FGGY: variants seen among roughly 807,000 people sequenced by gnomAD.
The protein encoded by FGGY is FGGY carbohydrate kinase domain containing.
FGGY carries 72 observed loss-of-function variants against 71.3 expected under a neutral mutation model. The observed-to-expected ratio is 1.01, with a 90% CI of 0.84 to 1.23. The LOEUF (loss-of-function observed/expected upper bound fraction) is 1.23. FGGY is among the 50% of genes most tolerant of loss of function. The pLI is 0.00. For synonymous variants in FGGY, 251 were observed against 250.3 expected, an observed-to-expected ratio of 1.00 and a Z score of -0.02; for missense variants, 668 against 682.3, an observed-to-expected ratio of 0.98 and a Z score of 0.23.
chr1:59,698,857 AAAT>A, intron 14 of FGGY: 1 of 985,448 alleles, frequency 1.0e-6, no homozygotes, highest in Non-Finnish European at 1.2e-6. Context: ...AGAGAACCTT[AAAT>A]AATAATGAAA....
At chr1:59,373,990 T>C (rs369125508) in intron 4 of FGGY, among the ~76,000 whole-genome samples, 1 of 152,178 alleles carries the variant, frequency 6.6e-6, no homozygotes, top group African/African-American at 2.4e-5. Flanking sequence ...GACATAGGCA[T>C]GGGCAAGGAC....
intron 11 of FGGY, among the ~76,000 whole-genome samples, chr1:59,644,600 A>T (rs1181508655): frequency 6.6e-6 from 1 of 152,186 alleles, no homozygotes; most frequent in East Asian, 1.9e-4. Context: ...TAGGTTCATT[A>T]AAAACAAGAC....
At chr1:59,534,676 T>G (rs996799814) in intron 7 of FGGY, among the ~76,000 whole-genome samples, 2 of 151,932 alleles carry the variant, frequency 1.3e-5, no homozygotes, top group Non-Finnish European at 2.9e-5. Context: ...GGGCCAATAT[T>G]CAACATTCTT....
At chr1:59,329,951 C>T (rs1021021615) in intron 2 of FGGY, among the ~76,000 whole-genome samples, 3 of 152,128 alleles carry the variant, frequency 2.0e-5, no homozygotes, top group Admixed American at 2.0e-4. Context: ...ATAGTGCTGC[C>T]CCAAACCTTA....
intron 6 of FGGY, among the ~76,000 whole-genome samples, chr1:59,473,063 C>T (rs1018594637): frequency 3.9e-5 from 6 of 152,254 alleles, no homozygotes; most frequent in Non-Finnish European, 7.4e-5. Context: ...AGTAGGCTGC[C>T]CGAGCCAGCA....
chr1:59,539,172 GTA>G (rs2095398898), intron 7 of FGGY, among the ~76,000 whole-genome samples: 1 of 152,132 alleles, frequency 6.6e-6, no homozygotes, highest in South Asian at 2.1e-4. Flanking sequence ...TTGGAAAACA[GTA>G]TTATAAATGT....
chr1:59,518,207 A>G (rs2153640977), intron 7 of FGGY, among the ~76,000 whole-genome samples: 1 of 152,316 alleles, frequency 6.6e-6, no homozygotes, highest in South Asian at 2.1e-4. Flanking sequence ...CAGTCTTGCA[A>G]AAAGGGCCTT....
Position 59,660,212 on chromosome 1 carries a change from C to G in FGGY, c.1222-7C>G. ...ATCTTCTTCTTTTCTTCCCTTCATGCCTGCAGGTCACCGGATTGAAACTGT... is the reference window on the plus strand; with the variant it reads ...ATCTTCTTCTTTTCTTCCCTTCATGGCTGCAGGTCACCGGATTGAAACTGT... On this transcript the variant is annotated splice_polypyrimidine_tract_variant and splice_region_variant and intron_variant, in intron 11 of 15. Coordinates refer to ENST00000303721, the MANE Select transcript of FGGY (RefSeq NM_018291.5). 4 of 1,612,952 alleles carry G rather than the reference C, an allele frequency of 2.5e-6. No homozygotes were observed. The highest frequency in any genetic ancestry group is 3.4e-6 in the Non-Finnish European group (4 of 1,179,486).
chr1:59,307,072 T>C (rs1386961943), intron 1 of FGGY, among the ~76,000 whole-genome samples: 1 of 152,144 alleles, frequency 6.6e-6, no homozygotes, highest in African/African-American at 2.4e-5. Context: ...CTCAGAACTT[T>C]GGGAGGCCGA....
At chr1:59,709,210 G>A (rs989149692) in intron 14 of FGGY, among the ~76,000 whole-genome samples, 3 of 152,168 alleles carry the variant, frequency 2.0e-5, no homozygotes, top group African/African-American at 4.8e-5. Context: ...TGGGGAGGCC[G>A]CAGGAAACTT....
chr1:59,596,221 T>G (rs4424537), intron 8 of FGGY, among the ~76,000 whole-genome samples: 26,173 of 151,964 alleles, frequency 0.17, 2,405 homozygotes, highest in Admixed American at 0.26. Context: ...TGAGGCTCAC[T>G]TAACATTTTT....
At chr1:59,464,638 A>C (rs2092490886) in intron 6 of FGGY, among the ~76,000 whole-genome samples, 1 of 152,196 alleles carries the variant, frequency 6.6e-6, no homozygotes, top group African/African-American at 2.4e-5. Flanking sequence ...ACTAATAAAG[A>C]AGAAGACAGA....
chr1:59,550,411 G>A (rs1448659324), intron 7 of FGGY, among the ~76,000 whole-genome samples: 1 of 150,066 alleles, frequency 6.7e-6, no homozygotes, highest in Non-Finnish European at 1.5e-5. Flanking sequence ...TCAGCTCTCC[G>A]ACTCATGTGG....
In FGGY at chr1:59,757,802, GAA is replaced by G. The variant is rs920896661; in HGVS notation, c.1513-122_1513-121del. 8.4e-6 allele frequency: 5 copies of G among 598,684 alleles called. No homozygotes were observed. The East Asian group carries it at 1.1e-4, about 14-fold the overall frequency. The allele number at this position is 598,684 out of a possible 1,614,324, so 37.1% of individuals were successfully genotyped here. The stretch of plus-strand genomic sequence containing the variant: ...TCTTATTACCAAAGAAAAGTAAGTT[GAA>G]AAAAAAGAGGACTAACCAAATATCT... On this transcript the variant is annotated intron_variant, in intron 14 of 15. Coordinates refer to ENST00000303721, the MANE Select transcript of FGGY (RefSeq NM_018291.5).
At chr1:59,445,006 A>T (rs2070890402) in intron 5 of FGGY, among the ~76,000 whole-genome samples, 1 of 151,954 alleles carries the variant, frequency 6.6e-6, no homozygotes, top group African/African-American at 2.4e-5. Context: ...CATTATACTT[A>T]CCCTTCATAG....
intron 8 of FGGY, 35 bp from the exon 9 acceptor site, chr1:59,607,768 C>T: frequency 6.5e-7 from 1 of 1,538,016 alleles, no homozygotes; most frequent in Non-Finnish European, 9.0e-7. Flanking sequence ...CCCTGAGAGT[C>T]AATGTTTTCA....
intron 4 of FGGY, among the ~76,000 whole-genome samples, chr1:59,347,091 T>C (rs2052150285): frequency 2.4e-5 from 1 of 41,418 alleles, no homozygotes; most frequent in African/African-American, 1.1e-4. Context: ...CCTCTTTTTT[T>C]TTCGGTTATT....
chr1:59,698,684 G>T (rs1382637621), intron 14 of FGGY: 5 of 898,402 alleles, frequency 5.6e-6, no homozygotes, highest in Non-Finnish European at 6.7e-6. Flanking sequence ...TTGATAAACA[G>T]GACAGCTGTC....
At chr1:59,477,821 A>G (rs932004454) in intron 6 of FGGY, among the ~76,000 whole-genome samples, 3 of 152,176 alleles carry the variant, frequency 2.0e-5, no homozygotes, top group Admixed American at 1.3e-4. Flanking sequence ...AATTGAAAGC[A>G]CAGAAACTGC....
Sources: gnomAD v4.1 joint callset for allele counts (sites outside exome capture counted in the v4.1 genomes callset) on GRCh38, gnomAD v4.1.1 for gene constraint, MANE v1.5 for transcripts, NCBI Gene and HGNC (gene_info 2026-07-23, HGNC 2026-07-21) for gene names.